Variants in COL4A6 observed in about 807,000 individuals in gnomAD.
The protein encoded by COL4A6 is collagen type IV alpha 6 chain.
Under a neutral mutation model 126.7 loss-of-function variants are expected in COL4A6, and 59 were observed. The observed-to-expected ratio is 0.47, with a 90% CI of 0.38 to 0.58. The LOEUF (loss-of-function observed/expected upper bound fraction) is 0.58. Among genes scored for constraint, COL4A6 ranks in the 20% least tolerant of loss-of-function variants. The pLI is 0.00. For missense variants in COL4A6, 1,285 were observed against 1,337.3 expected (o/e 0.96, Z 0.61); for synonymous variants, 547 against 496.6 (o/e 1.10, Z -1.35).
intron 2 of COL4A6, among the ~76,000 whole-genome samples, chrX:108,334,120 A>G (rs2039375431): frequency 2.7e-5 from 3 of 112,073 alleles, no homozygotes; most frequent in African/African-American, 9.7e-5. Flanking sequence ...ATAAAGTTGG[A>G]GTTACCACAT....
At chrX:108,240,037 G>GT (rs748194166) in intron 3 of COL4A6, among the ~76,000 whole-genome samples, 2 of 111,295 alleles carry the variant, frequency 1.8e-5, no homozygotes, top group African/African-American at 6.5e-5. Context: ...GAGGTCAGGA[G>GT]TTTGAGACCA....
intron 2 of COL4A6, among the ~76,000 whole-genome samples, chrX:108,347,263 C>T (rs1009617999): frequency 8.9e-6 from 1 of 111,792 alleles, no homozygotes; most frequent in Non-Finnish European, 1.9e-5. Context: ...GGGAGGAAAG[C>T]GGAGTACCCA....
intron 2 of COL4A6, among the ~76,000 whole-genome samples, chrX:108,432,396 T>C (rs2147400044): frequency 8.9e-6 from 1 of 112,891 alleles, no homozygotes; most frequent in East Asian, 2.8e-4. Context: ...TGTAAGTAAA[T>C]ATCTTTTAAA....
At chrX:108,374,770 T>C (rs2040402556) in intron 2 of COL4A6, among the ~76,000 whole-genome samples, 1 of 112,101 alleles carries the variant, frequency 8.9e-6, no homozygotes, top group South Asian at 3.7e-4. Flanking sequence ...TTTGTCATTA[T>C]ACTGATTAGA....
intron 2 of COL4A6, among the ~76,000 whole-genome samples, chrX:108,339,738 C>G (rs186576649): frequency 5.4e-5 from 6 of 111,587 alleles, no homozygotes; most frequent in Admixed American, 4.8e-4. Flanking sequence ...CTGAACTGCT[C>G]TCTCTGACCT....
chrX:108,203,231 T>G (rs1477023680), intron 12 of COL4A6, among the ~76,000 whole-genome samples: 1 of 112,140 alleles, frequency 8.9e-6, no homozygotes, highest in Non-Finnish European at 1.9e-5. Context: ...TGTCAAATAC[T>G]GAGGCTAATT....
At chrX:108,267,289 T>A (rs1388316231) in intron 3 of COL4A6, among the ~76,000 whole-genome samples, 1 of 112,145 alleles carries the variant, frequency 8.9e-6, no homozygotes, top group African/African-American at 3.2e-5. Flanking sequence ...TCCAGGATAA[T>A]CTCCTCAACT....
chrX:108,314,305 A>G (rs2038831337), intron 2 of COL4A6, among the ~76,000 whole-genome samples: 1 of 112,124 alleles, frequency 8.9e-6, no homozygotes, highest in African/African-American at 3.2e-5. Context: ...ACACTGAAGA[A>G]GATTATTTTG....
At chrX:108,214,515 C>T (rs1389909535) in intron 5 of COL4A6, among the ~76,000 whole-genome samples, 1 of 112,079 alleles carries the variant, frequency 8.9e-6, no homozygotes, top group African/African-American at 3.2e-5. Context: ...GCAACTTTAC[C>T]TTCCTTGTAT....
chrX:108,386,231 A>T (rs183597070), intron 2 of COL4A6, among the ~76,000 whole-genome samples: 25 of 111,989 alleles, frequency 2.2e-4, no homozygotes, highest in African/African-American at 7.1e-4. Flanking sequence ...TTGTGTATAT[A>T]CCCAGCAATG....
intron 3 of COL4A6, among the ~76,000 whole-genome samples, chrX:108,253,042 C>T (rs898509375): frequency 9.0e-6 from 1 of 111,414 alleles, no homozygotes; most frequent in South Asian, 3.8e-4. Flanking sequence ...TAGCATAATG[C>T]TGAATGAAAA....
rs1349361961 is a variant in COL4A6 at position 108,221,225 on chromosome X, C to A, written c.279+15G>T. 1 of 1,210,845 alleles carries A rather than the reference C, an allele frequency of 8.3e-7. No homozygotes were observed. ...GCCCATGCATCAAAGAGAAATCAAGCTTTGCTGGTCTTACCTTATCTCCTT... is the reference window on the plus strand; with the variant it reads ...GCCCATGCATCAAAGAGAAATCAAGATTTGCTGGTCTTACCTTATCTCCTT... On this transcript the variant is annotated intron_variant, in intron 4 of 44. Transcript: ENST00000334504.
At chrX:108,351,898 T>C (rs924533258) in intron 2 of COL4A6, among the ~76,000 whole-genome samples, 4 of 111,978 alleles carry the variant, frequency 3.6e-5, no homozygotes, top group Non-Finnish European at 7.5e-5. Flanking sequence ...ACAAGATATC[T>C]ATATATTCAC....
Position 108,172,463 on chromosome X carries a change from C to T in COL4A6, c.3202+6G>A. On this transcript the variant is annotated splice_donor_region_variant and intron_variant, in intron 32 of 44. Coordinates refer to ENST00000334504, the MANE Select transcript of COL4A6 (RefSeq NM_033641.4). Reference sequence around the variant, plus strand: ...AACATTAAAAGAAAAAAAAAATGCTCCTTACCTTTCAGGCCTGGGAGACCA... The same window carrying T: ...AACATTAAAAGAAAAAAAAAATGCTTCTTACCTTTCAGGCCTGGGAGACCA... 1 of 1,191,925 alleles carries T rather than the reference C, an allele frequency of 8.4e-7. No individual in the cohort carries two copies. Among genetic ancestry groups the T allele is most frequent in the South Asian group, 1.8e-5 (1 of 54,098 alleles).
chrX:108,159,744 A>C lies in COL4A6; in HGVS notation c.4530T>G (p.Phe1510Leu), dbSNP rs1285014128. 1.7e-6 allele frequency: 2 copies of C among 1,210,147 alleles called. No homozygotes were observed. The highest frequency in any genetic ancestry group is 3.5e-5 in the South Asian group (2 of 56,766). ...TGAAGCGGGGCAGACAGGAGCCAGC[A>C]AAGCCTGGAAGGAGAGAAAGTGGGC... Reference protein sequence around the residue: ...QEKAHNQDLGFAGSCLPRFST... With the variant: ...QEKAHNQDLGLAGSCLPRFST... Residue 1510 changes from phenylalanine (F) to leucine (L), a missense_variant, in exon 44 of 45, where the codon TTT (phenylalanine) becomes TTG (leucine). By Grantham distance (22) the Phe-to-Leu change is conservative (BLOSUM62 0). Coordinates refer to ENST00000334504, the MANE Select transcript of COL4A6 (RefSeq NM_033641.4).
At chrX:108,354,052 C>T (rs1024254550) in intron 2 of COL4A6, among the ~76,000 whole-genome samples, 6 of 111,577 alleles carry the variant, frequency 5.4e-5, no homozygotes, top group Admixed American at 9.5e-5. Context: ...ATTTGGGAGG[C>T]TGAGGCTCAA....
Position 108,277,425 on chromosome X carries a change from C to T in COL4A6, c.144+33323G>A, listed in dbSNP as rs112720331. Among the ~76,000 whole-genome samples the T allele has an allele frequency of 6.0e-3, 672 of 112,359 alleles. 5 individuals are homozygous for T. The highest frequency in any genetic ancestry group is 0.02 in the African/African-American group (618 of 30,965). ...CTGTGATCAAACCGCAAGGTGGCAG[C>T]GAGGCTGGGGGATGGGTGCCCACCA... On this transcript the variant is annotated intron_variant, in intron 3 of 44. Transcript: ENST00000334504.
intron 3 of COL4A6, among the ~76,000 whole-genome samples, chrX:108,265,011 G>A (rs1236243914): frequency 9.0e-6 from 1 of 111,579 alleles, no homozygotes; most frequent in African/African-American, 3.3e-5. Context: ...ACAAAATAGG[G>A]GATTACAATA....
chrX:108,317,890 A>C (rs1005054360), intron 2 of COL4A6, among the ~76,000 whole-genome samples: 2 of 111,775 alleles, frequency 1.8e-5, no homozygotes, highest in Admixed American at 1.9e-4. Context: ...CTTTTGGCTT[A>C]GGATTGACTT....
Sources: gnomAD v4.1 joint callset for allele counts (sites outside exome capture counted in the v4.1 genomes callset) on GRCh38, gnomAD v4.1.1 for gene constraint, MANE v1.5 for transcripts, NCBI Gene and HGNC (gene_info 2026-07-23, HGNC 2026-07-21) for gene names.